The following PLEKHG3 variants were observed in gnomAD, a reference collection of about 807,000 sequenced individuals.
The protein encoded by PLEKHG3 is pleckstrin homology and RhoGEF domain containing G3.
Under a neutral mutation model 94.9 loss-of-function variants are expected in PLEKHG3, and 62 were observed. The ratio of observed to expected loss-of-function variants is 0.65; its 90% confidence interval spans 0.53 to 0.81. PLEKHG3 has a LOEUF of 0.81. Among genes scored for constraint, PLEKHG3 ranks in the 30% least tolerant of loss-of-function variants. The pLI is 0.00. For synonymous variants in PLEKHG3, 614 were observed against 654.0 expected (o/e 0.94, Z 0.93); for missense variants, 1,461 against 1,619.3 (o/e 0.90, Z 1.68).
rs1171427325 is a variant in PLEKHG3 at position 64,725,403 on chromosome 14, T to A, written c.-39-2190T>A. On this transcript the variant is annotated intron_variant, in intron 1 of 16. Coordinates refer to ENST00000247226, the MANE Select transcript of PLEKHG3 (RefSeq NM_001308147.2). This position sits in a 1 kb window ranked among gnomAD's most constrained non-coding sequence, Gnocchi z 5.0. Reference sequence around the variant, plus strand: ...GGTGGTGGTGGGTGGGTGGGGTGCCTGACTGCAGTGCACTTTGAAGGACAT... The same window carrying A: ...GGTGGTGGTGGGTGGGTGGGGTGCCAGACTGCAGTGCACTTTGAAGGACAT... 3.3e-5 allele frequency among the ~76,000 whole-genome samples: 5 copies of A among 152,078 alleles called. No homozygotes were observed. Among genetic ancestry groups the A allele is most frequent in the Non-Finnish European group, 7.4e-5 (5 of 67,996 alleles).
Position 64,747,928 on chromosome 14 carries a change from C to T in PLEKHG3, c.*4225C>T, listed in dbSNP as rs534377343. On this transcript the variant is annotated 3_prime_UTR_variant, in exon 17 of 17. Coordinates refer to ENST00000247226, the MANE Select transcript of PLEKHG3 (RefSeq NM_001308147.2). ...AATATGGAATGAGCTTTCTCTTCCT[C>T]CAGAAGTATGACCTGAGCAGCAAGG... 32 of 151,998 alleles carry T rather than the reference C, an allele frequency of 2.1e-4. No homozygotes were observed. The highest frequency in any genetic ancestry group is 7.0e-4 in the African/African-American group (29 of 41,406). The allele number at this position is 151,998 out of a possible 1,614,324, so 9.4% of individuals were successfully genotyped here. A position where few individuals can be genotyped will look rare whatever the true frequency, so the allele number is the denominator to read the frequency against.
At position 64,708,530 on chromosome 14, in the gene PLEKHG3, A is replaced by AT. The variant is rs1201768185; in HGVS notation, c.-40+3827dup. ...TTCGAGATGGCTCGGAAGACTTTGA[A>AT]TAAGGGTTCGCCAGGGACCAGAATT... On this transcript the variant is annotated intron_variant, in intron 1 of 16. Coordinates refer to ENST00000247226, the MANE Select transcript of PLEKHG3 (RefSeq NM_001308147.2). Among the ~76,000 whole-genome samples, 7 of 152,280 alleles carry AT rather than the reference A, an allele frequency of 4.6e-5. No individual in the cohort carries two copies. The East Asian group carries it at 1.3e-3, about 29-fold the overall frequency.
intron 12 of PLEKHG3, among the ~76,000 whole-genome samples, chr14:64,733,504 G>A (rs229622): frequency 0.078 from 11,861 of 152,100 alleles, 510 homozygotes; most frequent in Non-Finnish European, 0.088. Context: ...ATACTTGCTC[G>A]CTCCGGCCTT....
rs2081275577 is a variant in PLEKHG3, at chr14:64,722,278, GA to G, written c.-39-5314del. Among the ~76,000 whole-genome samples, 1 of 152,090 alleles carries G rather than the reference GA, an allele frequency of 6.6e-6. No homozygotes were observed. Among genetic ancestry groups the G allele is most frequent in the African/African-American group, 2.4e-5 (1 of 41,414 alleles). ...TGCCTAGGCTGGAGTGCAGTGGTGC[GA>G]TCTCAGCTCACTGCAACCTCCTGGG... On this transcript the variant is annotated intron_variant, in intron 1 of 16. Transcript: ENST00000247226. The surrounding 1 kb of genome is among the most constrained non-coding windows in gnomAD (Gnocchi z 4.3).
chr14:64,743,169 A>G lies in PLEKHG3; in HGVS notation c.3126A>G (p.Thr1042=). The G allele has an allele frequency of 3.1e-6, 5 of 1,610,610 alleles. No individual in the cohort carries two copies. The highest frequency in any genetic ancestry group is 4.2e-6 in the Non-Finnish European group (5 of 1,179,650). ...CCGCCCGGAGCCCCCTCAGCCCCAC[A>G]GAGACCTTCAGCTGGCCCGACGTCC... ...RPSARSPLSP[T]ETFSWPDVRE... Residue 1042 remains threonine, a synonymous_variant, in exon 17 of 17, where the codon ACA becomes ACG. Coordinates refer to ENST00000247226, the MANE Select transcript of PLEKHG3 (RefSeq NM_001308147.2). The surrounding 1 kb of genome is among the most constrained non-coding windows in gnomAD (Gnocchi z 7.2).
At position 64,749,545 on chromosome 14, in the gene PLEKHG3, T is replaced by TG. The variant is rs1286178594; in HGVS notation, c.*5847dup. On this transcript the variant is annotated 3_prime_UTR_variant, in exon 17 of 17. Transcript: ENST00000247226. This position sits in a 1 kb window ranked among gnomAD's most constrained non-coding sequence, Gnocchi z 4.7. ...CACCTCCCGGGCCAGGCAACAATGG[T>TG]GGGGGCTCTTGGGACTGCCCCTTCT... The TG allele has an allele frequency of 1.2e-5, 19 of 1,600,926 alleles. No individual in the cohort carries two copies. Among genetic ancestry groups the TG allele is most frequent in the Non-Finnish European group, 1.6e-5 (19 of 1,177,996 alleles).
Position 64,732,323 on chromosome 14 carries a change from G to A in PLEKHG3, c.1213-104G>A. ...AGTACAGCAGATGCCCCGGGCCTTG[G>A]TGCAGCACTGTGGGGTGTCCTCGTA... On this transcript the variant is annotated intron_variant, in intron 10 of 16. Transcript: ENST00000247226. This position sits in a 1 kb window ranked among gnomAD's most constrained non-coding sequence, Gnocchi z 4.9. The A allele has an allele frequency of 2.4e-6, 3 of 1,261,410 alleles. No homozygotes were observed. The highest frequency in any genetic ancestry group is 3.5e-6 in the Non-Finnish European group (3 of 860,084). The allele number at this position is 1,261,410 out of a possible 1,614,324, so 78.1% of individuals were successfully genotyped here. A position where few individuals can be genotyped will look rare whatever the true frequency, so the allele number is the denominator to read the frequency against.
chr14:64,736,902 G>A lies in PLEKHG3; in HGVS notation c.1384+11G>A, dbSNP rs1218546660. On this transcript the variant is annotated intron_variant, in intron 13 of 16. Transcript: ENST00000247226. ...AACTCAACGAGAAAGGTGAGTGTGT[G>A]AGGTGGCCAGCCATTCCCAGTGAGC... 2.4e-5 allele frequency: 38 copies of A among 1,609,616 alleles called. No homozygotes were observed. The highest frequency in any genetic ancestry group is 3.2e-5 in the Non-Finnish European group (38 of 1,176,076).
Position 64,717,286 on chromosome 14 carries a change from G to A in PLEKHG3, c.-39-10307G>A, listed in dbSNP as rs562637995. 6.6e-5 allele frequency among the ~76,000 whole-genome samples: 10 copies of A among 152,214 alleles called. No individual in the cohort carries two copies. The highest frequency in any genetic ancestry group is 1.0e-4 in the Non-Finnish European group (7 of 68,040). ...TTGCTGTATCACCTTCGAAGAAGAGGCGAGGCCTGAGGGAGGGGGAAGGCC... is the reference window on the plus strand; with the variant it reads ...TTGCTGTATCACCTTCGAAGAAGAGACGAGGCCTGAGGGAGGGGGAAGGCC... On this transcript the variant is annotated intron_variant, in intron 1 of 16. Coordinates refer to ENST00000247226, the MANE Select transcript of PLEKHG3 (RefSeq NM_001308147.2). This position sits in a 1 kb window ranked among gnomAD's most constrained non-coding sequence, Gnocchi z 4.7.
rs2081831570 is a variant in PLEKHG3, at chr14:64,746,135, C to T, written c.*2432C>T. On this transcript the variant is annotated 3_prime_UTR_variant, in exon 17 of 17. Coordinates refer to ENST00000247226, the MANE Select transcript of PLEKHG3 (RefSeq NM_001308147.2). The surrounding 1 kb of genome is among the most constrained non-coding windows in gnomAD (Gnocchi z 4.9). Reference sequence around the variant, plus strand: ...GCTTTTCTTGGAGTTTGTGATGAAGCCCAGGAACCGGGTGCTTGCAGTCGT... The same window carrying T: ...GCTTTTCTTGGAGTTTGTGATGAAGTCCAGGAACCGGGTGCTTGCAGTCGT... 2 of 152,072 alleles carry T rather than the reference C, an allele frequency of 1.3e-5. No homozygotes were observed. Among genetic ancestry groups the T allele is most frequent in the Non-Finnish European group, 2.9e-5 (2 of 68,030 alleles). 9.4% of individuals were successfully genotyped at this position (152,072 alleles called of 1,614,324 possible).
chr14:64,734,251 T>C (rs1027860298), intron 12 of PLEKHG3, among the ~76,000 whole-genome samples: 1 of 152,236 alleles, frequency 6.6e-6, no homozygotes, highest in African/African-American at 2.4e-5. Context: ...GGGGTGTTGC[T>C]TTCTTCTCTC....
At position 64,745,096 on chromosome 14, in the gene PLEKHG3, C is replaced by T. The variant is rs746107976; in HGVS notation, c.*1393C>T. 3 of 152,182 alleles carry T rather than the reference C, an allele frequency of 2.0e-5. No individual in the cohort carries two copies. The highest frequency in any genetic ancestry group is 4.4e-5 in the Non-Finnish European group (3 of 68,002). 9.4% of individuals were successfully genotyped at this position (152,182 alleles called of 1,614,324 possible). On this transcript the variant is annotated 3_prime_UTR_variant, in exon 17 of 17. Transcript: ENST00000247226. This position sits in a 1 kb window ranked among gnomAD's most constrained non-coding sequence, Gnocchi z 5.0. ...CGGCTGAAGGTAAGGATTCTAAACT[C>T]GGAGACTAGAAATGTCCTAAAGGTG...
At chr14:64,729,431 A>G (rs1019603924) in intron 3 of PLEKHG3, among the ~76,000 whole-genome samples, 3 of 152,036 alleles carry the variant, frequency 2.0e-5, no homozygotes, top group Admixed American at 6.5e-5. Flanking sequence ...CCATTTGCAC[A>G]TCTGTTAATT....
In PLEKHG3 at chr14:64,743,904, T is replaced by A; in HGVS notation, c.*201T>A. 1 of 517,010 alleles carries A rather than the reference T, an allele frequency of 1.9e-6. No homozygotes were observed. The highest frequency in any genetic ancestry group is 3.3e-6 in the Non-Finnish European group (1 of 301,772). The allele number at this position is 517,010 out of a possible 1,614,324, so 32.0% of individuals were successfully genotyped here. The stretch of plus-strand genomic sequence containing the variant: ...CCATCCACTGGGGCTCGAGACAATT[T>A]CCCACTCACCTGTGAGGCCGGTGTG... On this transcript the variant is annotated 3_prime_UTR_variant, in exon 17 of 17. Coordinates refer to ENST00000247226, the MANE Select transcript of PLEKHG3 (RefSeq NM_001308147.2). The surrounding 1 kb of genome is among the most constrained non-coding windows in gnomAD (Gnocchi z 7.2).
Position 64,749,288 on chromosome 14 carries a change from G to A in PLEKHG3, c.*5585G>A, listed in dbSNP as rs374895714. ...TCTCTGCGCGTCCCGACTCCGCCGC[G>A]CCCGCCAGCCCCACCTGCTACTTCT... On this transcript the variant is annotated 3_prime_UTR_variant, in exon 17 of 17. Coordinates refer to ENST00000247226, the MANE Select transcript of PLEKHG3 (RefSeq NM_001308147.2). This position sits in a 1 kb window ranked among gnomAD's most constrained non-coding sequence, Gnocchi z 4.7. 4 of 1,565,304 alleles carry A rather than the reference G, an allele frequency of 2.6e-6. No individual in the cohort carries two copies. Among genetic ancestry groups the A allele is most frequent in the South Asian group, 1.2e-5 (1 of 86,598 alleles).
chr14:64,710,452 C>T (rs1167732516), intron 1 of PLEKHG3, among the ~76,000 whole-genome samples: 3 of 152,178 alleles, frequency 2.0e-5, no homozygotes, highest in African/African-American at 7.2e-5. Context: ...GGTGGATCAC[C>T]TGAGGTCGGG....
Position 64,730,564 on chromosome 14 carries a change from C to T in PLEKHG3, c.520-78C>T, listed in dbSNP as rs2139382671. On this transcript the variant is annotated intron_variant, in intron 4 of 16. Coordinates refer to ENST00000247226, the MANE Select transcript of PLEKHG3 (RefSeq NM_001308147.2). The surrounding 1 kb of genome is among the most constrained non-coding windows in gnomAD (Gnocchi z 5.4). The stretch of plus-strand genomic sequence containing the variant: ...AGGGGACAGAGGGTGCTCTGGGGGC[C>T]AGGGGCCTATCTGCTACCACCATCT... The T allele has an allele frequency of 1.1e-5, 13 of 1,209,270 alleles. No individual in the cohort carries two copies. Among genetic ancestry groups the T allele is most frequent in the Non-Finnish European group, 1.6e-5 (13 of 817,510 alleles). 74.9% of individuals were successfully genotyped at this position (1,209,270 alleles called of 1,614,324 possible).
In PLEKHG3 at chr14:64,732,328, G is replaced by A. The variant is rs2081483813; in HGVS notation, c.1213-99G>A. On this transcript the variant is annotated intron_variant, in intron 10 of 16. Coordinates refer to ENST00000247226, the MANE Select transcript of PLEKHG3 (RefSeq NM_001308147.2). This position sits in a 1 kb window ranked among gnomAD's most constrained non-coding sequence, Gnocchi z 4.9. ...AGCAGATGCCCCGGGCCTTGGTGCAGCACTGTGGGGTGTCCTCGTACAGCA... is the reference window on the plus strand; with the variant it reads ...AGCAGATGCCCCGGGCCTTGGTGCAACACTGTGGGGTGTCCTCGTACAGCA... 2 of 1,276,732 alleles carry A rather than the reference G, an allele frequency of 1.6e-6. No homozygotes were observed. The highest frequency in any genetic ancestry group is 1.7e-5 in the Admixed American group (1 of 59,398). The allele number at this position is 1,276,732 out of a possible 1,614,324, so 79.1% of individuals were successfully genotyped here.
At position 64,741,925 on chromosome 14, in the gene PLEKHG3, T is replaced by C; in HGVS notation, c.2408T>C (p.Ile803Thr). The change falls in exon 16 of 17, where the codon ATC becomes ACC. Residue 803 changes from isoleucine (I) to threonine (T), a missense_variant. This residue lies in a region of PLEKHG3 where 1,201 missense variants were observed against 1,295.5 expected (regional missense o/e 0.93). Coordinates refer to ENST00000247226, the MANE Select transcript of PLEKHG3 (RefSeq NM_001308147.2). ...SQAVKGDPPP[I>T]SDAEFRPSSE... The stretch of plus-strand genomic sequence containing the variant: ...GCAGTCAAAGGGGACCCACCTCCCA[T>C]CTCAGATGCTGAGTTCCGCCCATCT... 6.3e-7 allele frequency: 1 copy of C among 1,588,630 alleles called. No individual in the cohort carries two copies. Among genetic ancestry groups the C allele is most frequent in the Non-Finnish European group, 8.6e-7 (1 of 1,168,876 alleles).
Sources: allele counts gnomAD v4.1 joint callset (sites outside exome capture counted in the v4.1 genomes callset), GRCh38; gene constraint gnomAD v4.1.1; regional missense constraint gnomAD v4.1.1; non-coding constraint Gnocchi (gnomAD v3.1); transcripts MANE v1.5; gene names NCBI Gene and HGNC (gene_info 2026-07-23, HGNC 2026-07-21).